MAST4: variants seen among roughly 807,000 people sequenced by gnomAD.
MAST4 encodes microtubule-associated serine/threonine-protein kinase 4.
Under a neutral mutation model 162.7 loss-of-function variants are expected in MAST4, and 89 were observed. The observed-to-expected ratio is 0.55, with a 90% confidence interval of 0.46 to 0.65. The LOEUF (loss-of-function observed/expected upper bound fraction) is 0.65. MAST4 is among the 30% of genes least tolerant of loss of function. The pLI, the probability that MAST4 is intolerant of heterozygous loss-of-function variation, is 0.00. For synonymous variants in MAST4, 1,479 were observed against 1,361.1 expected (o/e 1.09, Z -1.91); for missense variants, 3,153 against 3,374.0 (o/e 0.93, Z 1.62).
chr5:66,685,622 A>G (rs926909834), intron 1 of MAST4, among the ~76,000 whole-genome samples: 1 of 152,180 alleles, frequency 6.6e-6, no homozygotes, highest in African/African-American at 2.4e-5. Context: ...GGTGTTTCAT[A>G]GAAACAACTA....
At chr5:67,022,311 A>G (rs1351857156) in intron 4 of MAST4, among the ~76,000 whole-genome samples, 1 of 152,072 alleles carries the variant, frequency 6.6e-6, no homozygotes, top group Non-Finnish European at 1.5e-5. Flanking sequence ...CATGCCAAGT[A>G]GCTTTTTGTC....
At chr5:67,133,770 C>T (rs1769277361) in intron 17 of MAST4, 124 bp downstream of exon 17, 4 of 1,081,820 alleles carry the variant, frequency 3.7e-6, no homozygotes, top group Middle Eastern at 3.1e-4. Flanking sequence ...CTGTATAAAC[C>T]TTACATTTAA....
chr5:67,021,437 A>G (rs1030231), intron 4 of MAST4, among the ~76,000 whole-genome samples: 32,235 of 152,070 alleles, frequency 0.21, 3,742 homozygotes, highest in Non-Finnish European at 0.26. Flanking sequence ...AAAAGCTTCT[A>G]AACACATTTG....
At chr5:67,145,913 G>T (rs6877010) in intron 23 of MAST4, among the ~76,000 whole-genome samples, 1 of 152,036 alleles carries the variant, frequency 6.6e-6, no homozygotes, top group African/African-American at 2.4e-5. Context: ...GTTGTACCAA[G>T]TAATTTCTCT....
rs182895276 is a variant in MAST4 at position 66,721,873 on chromosome 5, T to C, written c.364-37836T>C. On this transcript the variant is annotated intron_variant, in intron 1 of 28. Coordinates refer to ENST00000403625, the MANE Select transcript of MAST4 (RefSeq NM_001164664.2). ...GCTGAGGCTATATTGAAATCATTCTTTACTATTTATACTCCGTATCTAGGC... is the reference window on the plus strand; with the variant it reads ...GCTGAGGCTATATTGAAATCATTCTCTACTATTTATACTCCGTATCTAGGC... 2.8e-3 allele frequency among the ~76,000 whole-genome samples: 431 copies of C among 152,106 alleles called. 1 individual carries two copies. Among genetic ancestry groups the C allele is most frequent in the African/African-American group, 9.2e-3 (380 of 41,496 alleles).
At chr5:66,886,057 G>C (rs1762018301) in intron 3 of MAST4, among the ~76,000 whole-genome samples, 1 of 152,088 alleles carries the variant, frequency 6.6e-6, no homozygotes, top group Non-Finnish European at 1.5e-5. Context: ...TTTACCCAAG[G>C]CCGTATGGAA....
chr5:66,905,302 CA>C (rs60337775), intron 4 of MAST4, among the ~76,000 whole-genome samples: 3,403 of 78,172 alleles, frequency 0.044, 36 homozygotes, highest in South Asian at 0.13. Flanking sequence ...AACTCTGTCT[CA>C]AAAAAAAAAA....
intron 3 of MAST4, among the ~76,000 whole-genome samples, chr5:66,850,126 A>G (rs930699527): frequency 1.3e-5 from 2 of 152,174 alleles, no homozygotes; most frequent in African/African-American, 4.8e-5. Flanking sequence ...CCAGAGTTCA[A>G]GTTTAGAGCT....
At chr5:66,651,212 A>G (rs988686177) in intron 1 of MAST4, among the ~76,000 whole-genome samples, 2 of 152,012 alleles carry the variant, frequency 1.3e-5, no homozygotes, top group Non-Finnish European at 2.9e-5. Context: ...CGTCTCATAC[A>G]GTGTAATAGC....
In MAST4 at chr5:66,627,931, G is replaced by A. The variant is rs552618276; in HGVS notation, c.363+30913G>A. On this transcript the variant is annotated intron_variant, in intron 1 of 28. Transcript: ENST00000403625. The stretch of plus-strand genomic sequence containing the variant: ...CTGGACAAAATGCCATCTGTGTTCT[G>A]CCCCCCACCCCACCCCTACCAATTG... Among the ~76,000 whole-genome samples, 29 of 152,058 alleles carry A rather than the reference G, an allele frequency of 1.9e-4. No individual in the cohort carries two copies. In the South Asian group the frequency reaches 6.0e-3, roughly 32 times the overall value.
chr5:66,882,977 G>A (rs1470203712), intron 3 of MAST4, among the ~76,000 whole-genome samples: 2 of 152,180 alleles, frequency 1.3e-5, no homozygotes, highest in Admixed American at 6.5e-5. Flanking sequence ...GGTAGACTAT[G>A]ACCAGGGACC....
intron 1 of MAST4, among the ~76,000 whole-genome samples, chr5:66,708,611 C>CT (rs1260989999): frequency 1.3e-5 from 2 of 152,188 alleles, no homozygotes; most frequent in African/African-American, 4.8e-5. Context: ...TTTGTCTAAA[C>CT]TTAGCCTTTC....
intron 4 of MAST4, among the ~76,000 whole-genome samples, chr5:66,973,454 A>G (rs1394899001): frequency 2.0e-5 from 3 of 152,128 alleles, no homozygotes; most frequent in African/African-American, 7.2e-5. Context: ...AGTTTATCTG[A>G]TGGCTTTGTC....
At chr5:66,847,057 G>T (rs1025602570) in intron 3 of MAST4, among the ~76,000 whole-genome samples, 1 of 152,050 alleles carries the variant, frequency 6.6e-6, no homozygotes. Context: ...TAGGAAATAC[G>T]TAGCCTCAAC....
intron 1 of MAST4, among the ~76,000 whole-genome samples, chr5:66,688,007 C>T (rs1315830687): frequency 6.6e-6 from 1 of 152,146 alleles, no homozygotes; most frequent in African/African-American, 2.4e-5. Context: ...TTGGACTCTC[C>T]TTATGTCTAA....
At chr5:66,868,639 A>G (rs770920561) in intron 3 of MAST4, among the ~76,000 whole-genome samples, 196 of 152,210 alleles carry the variant, frequency 1.3e-3, no homozygotes, top group Non-Finnish European at 1.7e-3. Context: ...TTATTAAATG[A>G]CTTTAATCCT....
At chr5:66,788,639 A>C (rs1295800800) in intron 2 of MAST4, 31 bp from the exon 3 acceptor site, 4 of 1,513,408 alleles carry the variant, frequency 2.6e-6, no homozygotes, top group African/African-American at 1.6e-5. Context: ...GCTGCCTGTC[A>C]CTTACATTTT....
chr5:66,652,868 G>A (rs1023903427), intron 1 of MAST4, among the ~76,000 whole-genome samples: 2 of 152,096 alleles, frequency 1.3e-5, no homozygotes, highest in Non-Finnish European at 2.9e-5. Context: ...TGAGGCAAGC[G>A]CTCTCATTGC....
chr5:67,056,289 C>A (rs1444353730), intron 5 of MAST4, among the ~76,000 whole-genome samples: 2 of 152,056 alleles, frequency 1.3e-5, no homozygotes, highest in Non-Finnish European at 2.9e-5. Context: ...TGATATTACA[C>A]CCTGTCATTA....
Sources: allele counts gnomAD v4.1 joint callset (sites outside exome capture counted in the v4.1 genomes callset), GRCh38; gene constraint gnomAD v4.1.1; transcripts MANE v1.5; gene names NCBI Gene and HGNC (gene_info 2026-07-23, HGNC 2026-07-21).